The following IL1RAPL2 variants were observed in gnomAD, a reference collection of about 807,000 sequenced individuals.
The protein encoded by IL1RAPL2 is X-linked interleukin-1 receptor accessory protein-like 2.
IL1RAPL2 carries 3 observed loss-of-function variants against 44.1 expected under a neutral mutation model. That is an observed-to-expected ratio of 0.07 (90% CI 0.03 to 0.18). IL1RAPL2 has a LOEUF of 0.18. Among genes scored for constraint, IL1RAPL2 ranks in the 10% least tolerant of loss-of-function variants. The probability of loss-of-function intolerance (pLI) is 1.00; values close to 1 mark genes in which losing one functional copy is unlikely to be tolerated. For missense variants in IL1RAPL2, 391 were observed against 496.4 expected, an observed-to-expected ratio of 0.79 and a Z score of 2.02; for synonymous variants, 181 against 178.8, an observed-to-expected ratio of 1.01 and a Z score of -0.10.
intron 2 of IL1RAPL2, among the ~76,000 whole-genome samples, chrX:104,821,977 G>A (rs1381580498): frequency 8.9e-6 from 1 of 112,133 alleles, no homozygotes; most frequent in African/African-American, 3.2e-5. Flanking sequence ...GCTTTGATTT[G>A]CATTTCTCTA....
Position 105,761,220 on chromosome X carries a change from T to C in IL1RAPL2, c.1364-5744T>C, listed in dbSNP as rs865888893. The stretch of plus-strand genomic sequence containing the variant: ...GAAAAAGAAAAAAAAACTCTTCCTA[T>C]ACACACACACACACACACACACACA... On this transcript the variant is annotated intron_variant, in intron 10 of 10. Transcript: ENST00000372582. Among the ~76,000 whole-genome samples the C allele has an allele frequency of 1.2e-3, 97 of 84,134 alleles. 1 individual carries two copies. The highest frequency in any genetic ancestry group is 6.4e-3 in the Middle Eastern group (1 of 157). The allele number at this position is 84,134 out of a possible 115,157, so 73.1% of individuals were successfully genotyped here. A position where few individuals can be genotyped will look rare whatever the true frequency, so the allele number is the denominator to read the frequency against.
intron 4 of IL1RAPL2, among the ~76,000 whole-genome samples, chrX:105,253,370 G>A (rs1333518127): frequency 3.6e-5 from 4 of 110,889 alleles, no homozygotes; most frequent in African/African-American, 1.3e-4. Context: ...TTTTATTTCT[G>A]TTGCAGTGTG....
intron 2 of IL1RAPL2, among the ~76,000 whole-genome samples, chrX:104,766,315 T>C (rs753247168): frequency 1.8e-5 from 2 of 111,912 alleles, no homozygotes; most frequent in Non-Finnish European, 3.8e-5. Flanking sequence ...GCTTAAAAGA[T>C]TTAAGGGAAA....
At chrX:104,635,662 T>C (rs1929783737) in intron 1 of IL1RAPL2, among the ~76,000 whole-genome samples, 1 of 112,172 alleles carries the variant, frequency 8.9e-6, no homozygotes, top group Non-Finnish European at 1.9e-5. Context: ...GCATTTGTCA[T>C]GTAGTTCTCG....
intron 2 of IL1RAPL2, among the ~76,000 whole-genome samples, chrX:104,674,527 A>G (rs1423446520): frequency 8.9e-6 from 1 of 111,920 alleles, no homozygotes; most frequent in African/African-American, 3.3e-5. Context: ...TTTTGCTTCA[A>G]TATTCATCAA....
At chrX:104,817,903 C>G (rs1921180428) in intron 2 of IL1RAPL2, among the ~76,000 whole-genome samples, 1 of 111,055 alleles carries the variant, frequency 9.0e-6, no homozygotes, top group Non-Finnish European at 1.9e-5. Context: ...TCAAGGATGA[C>G]TCCTATTTTT....
At chrX:104,906,932 T>C (rs1017981509) in intron 2 of IL1RAPL2, among the ~76,000 whole-genome samples, 1 of 111,833 alleles carries the variant, frequency 8.9e-6, no homozygotes, top group Non-Finnish European at 1.9e-5. Context: ...CTTCTGGTCC[T>C]GGACTCTTTT....
chrX:105,309,470 G>A (rs914919494), intron 5 of IL1RAPL2, among the ~76,000 whole-genome samples: 15 of 109,376 alleles, frequency 1.4e-4, no homozygotes, highest in Admixed American at 9.9e-4. Flanking sequence ...GGTGGCTCAC[G>A]TCTGTAATTC....
At chrX:104,790,398 C>T (rs1298015701) in intron 2 of IL1RAPL2, among the ~76,000 whole-genome samples, 1 of 111,012 alleles carries the variant, frequency 9.0e-6, no homozygotes, top group Non-Finnish European at 1.9e-5. Flanking sequence ...CGCCCTCACC[C>T]TCCTTTTTAA....
chrX:104,948,450 C>G (rs1345926042), intron 2 of IL1RAPL2, among the ~76,000 whole-genome samples: 11 of 96,410 alleles, frequency 1.1e-4, no homozygotes, highest in African/African-American at 4.1e-4. Flanking sequence ...ACTTCCAACA[C>G]TATGTTGAAT....
chrX:105,306,278 T>A (rs1225771990), intron 5 of IL1RAPL2, among the ~76,000 whole-genome samples: 2 of 111,493 alleles, frequency 1.8e-5, no homozygotes, highest in Non-Finnish European at 3.8e-5. Flanking sequence ...CATGCCCCTT[T>A]CATCATATAG....
intron 2 of IL1RAPL2, among the ~76,000 whole-genome samples, chrX:104,906,122 T>C (rs1366071689): frequency 9.1e-6 from 1 of 109,949 alleles, no homozygotes; most frequent in African/African-American, 3.3e-5. Context: ...TATTGGTGTA[T>C]AAGAATGCTT....
intron 2 of IL1RAPL2, among the ~76,000 whole-genome samples, chrX:105,056,362 C>A (rs992096543): frequency 1.8e-5 from 2 of 111,643 alleles, no homozygotes; most frequent in African/African-American, 6.5e-5. Context: ...TTTTCAGCAT[C>A]CTGTATTGCA....
At chrX:105,519,364 G>C (rs200781632) in intron 6 of IL1RAPL2, among the ~76,000 whole-genome samples, 1 of 111,525 alleles carries the variant, frequency 9.0e-6, no homozygotes, top group African/African-American at 3.3e-5. Context: ...CCACCTCCTC[G>C]AAGCTTTGAC....
chrX:104,848,725 T>C (rs952894684), intron 2 of IL1RAPL2, among the ~76,000 whole-genome samples: 18 of 108,832 alleles, frequency 1.7e-4, no homozygotes, highest in African/African-American at 5.9e-4. Context: ...CTGTCTATCA[T>C]ATATCAGTAT....
At chrX:104,884,500 G>A (rs1471463384) in intron 2 of IL1RAPL2, among the ~76,000 whole-genome samples, 1 of 111,175 alleles carries the variant, frequency 9.0e-6, no homozygotes, top group Non-Finnish European at 1.9e-5. Flanking sequence ...AAACACTCAG[G>A]CATCAACAGG....
At chrX:104,743,749 C>A (rs1037527064) in intron 2 of IL1RAPL2, among the ~76,000 whole-genome samples, 6 of 111,230 alleles carry the variant, frequency 5.4e-5, no homozygotes, top group African/African-American at 2.0e-4. Context: ...ATACAGATTA[C>A]TTTGCAGACT....
chrX:105,721,440 C>T (rs2038303839), intron 7 of IL1RAPL2, among the ~76,000 whole-genome samples: 1 of 111,111 alleles, frequency 9.0e-6, no homozygotes, highest in South Asian at 3.8e-4. Flanking sequence ...AAAATTAATA[C>T]ATTGTTATTA....
intron 5 of IL1RAPL2, among the ~76,000 whole-genome samples, chrX:105,402,556 C>G (rs965561846): frequency 2.4e-4 from 27 of 111,190 alleles, no homozygotes; most frequent in African/African-American, 8.8e-4. Context: ...TAGGATGAAA[C>G]AAAACCACTG....
Sources: allele counts gnomAD v4.1 joint callset (sites outside exome capture counted in the v4.1 genomes callset), GRCh38; gene constraint gnomAD v4.1.1; transcripts MANE v1.5; gene names NCBI Gene and HGNC (gene_info 2026-07-23, HGNC 2026-07-21).